Variants in CCDC148 observed in about 807,000 individuals in gnomAD.
The protein encoded by CCDC148 is coiled-coil domain containing 148.
Under a neutral mutation model 85.7 loss-of-function variants are expected in CCDC148, and 89 were observed. That is an observed-to-expected ratio of 1.04 (90% confidence interval 0.87 to 1.24). CCDC148 has a LOEUF of 1.24. Among genes scored for constraint, CCDC148 ranks in the 50% most tolerant of loss-of-function variants. The pLI is 0.00. For missense variants in CCDC148, 692 were observed against 671.7 expected (o/e 1.03, Z -0.33); for synonymous variants, 230 against 213.9 (o/e 1.08, Z -0.66).
intron 9 of CCDC148, among the ~76,000 whole-genome samples, chr2:158,252,347 C>T (rs1266935295): frequency 6.6e-6 from 1 of 151,658 alleles, no homozygotes. Context: ...CTTATCCTGT[C>T]CATCATATTG....
At chr2:158,338,170 A>G (rs567181564) in intron 7 of CCDC148, among the ~76,000 whole-genome samples, 2 of 152,258 alleles carry the variant, frequency 1.3e-5, no homozygotes, top group East Asian at 3.9e-4. Context: ...AGAGAAGATG[A>G]CCGCTGCCAA....
chr2:158,373,176 A>G (rs1289948505), intron 1 of CCDC148, among the ~76,000 whole-genome samples: 1 of 152,028 alleles, frequency 6.6e-6, no homozygotes, highest in East Asian at 1.9e-4. Flanking sequence ...GAAGGTTTGA[A>G]GATGTCATGC....
chr2:158,379,268 A>G (rs879511720), intron 1 of CCDC148, among the ~76,000 whole-genome samples: 2 of 152,112 alleles, frequency 1.3e-5, no homozygotes, highest in African/African-American at 2.4e-5. Context: ...ATAGCAAGGG[A>G]ACTAGGATTA....
Position 158,247,705 on chromosome 2 carries a change from A to G in CCDC148, c.1251+3067T>C, listed in dbSNP as rs377627245. On this transcript the variant is annotated intron_variant, in intron 10 of 13. Transcript: ENST00000283233. ...ATCCCGTCTCTACTAAAAATACAAA[A>G]ATTAGCCAGGTATAGTGGCGGGCAC... is the stretch of plus-strand genomic sequence containing the variant. Among the ~76,000 whole-genome samples, 101 of 152,056 alleles carry G rather than the reference A, an allele frequency of 6.6e-4. 1 individual carries two copies. Among genetic ancestry groups the G allele is most frequent in the African/African-American group, 2.4e-3 (99 of 41,458 alleles).
Position 158,220,669 on chromosome 2 carries a change from C to T in CCDC148, c.1296G>A (p.Met432Ile). ...CTAGACGCTGAAGATCTCTCATTTC[C>T]ATTTCTTGCCACTTCTGTTTTTTCT... ...WAKKKQKWQE[M>I]EMRDLQRLEE... The change falls in exon 11 of 14, where the codon ATG becomes ATA. Residue 432 changes from methionine to isoleucine, a missense_variant. Transcript: ENST00000283233. The T allele has an allele frequency of 1.3e-6, 2 of 1,591,280 alleles. No homozygotes were observed. The highest frequency in any genetic ancestry group is 1.9e-5 in the Admixed American group (1 of 52,772).
At chr2:158,331,379 T>A (rs200546823) in intron 7 of CCDC148, among the ~76,000 whole-genome samples, 1 of 152,208 alleles carries the variant, frequency 6.6e-6, no homozygotes, top group Non-Finnish European at 1.5e-5. Flanking sequence ...AGATAGTTTG[T>A]TATAATTTCT....
At chr2:158,455,433 G>A (rs944352769) in intron 1 of CCDC148, among the ~76,000 whole-genome samples, 1 of 151,784 alleles carries the variant, frequency 6.6e-6, no homozygotes, top group African/African-American at 2.4e-5. Context: ...CATTTCTTAG[G>A]TTACATCTTT....
intron 11 of CCDC148, among the ~76,000 whole-genome samples, chr2:158,186,635 C>T (rs762568240): frequency 4.6e-5 from 7 of 152,084 alleles, no homozygotes; most frequent in Admixed American, 3.9e-4. Flanking sequence ...ACTCTGCCTC[C>T]CTTTTCAGAT....
intron 1 of CCDC148, among the ~76,000 whole-genome samples, chr2:158,384,339 G>T (rs1684998733): frequency 6.6e-6 from 1 of 152,032 alleles, no homozygotes; most frequent in Admixed American, 6.6e-5. Context: ...ATACAGTTTG[G>T]TTCTGTGTCC....
At chr2:158,453,504 C>T (rs1208298216) in intron 1 of CCDC148, among the ~76,000 whole-genome samples, 5 of 152,098 alleles carry the variant, frequency 3.3e-5, no homozygotes, top group African/African-American at 1.2e-4. Context: ...CTTTGCCACC[C>T]ACCTCTGTTT....
At chr2:158,271,947 C>A (rs1402103691) in intron 9 of CCDC148, among the ~76,000 whole-genome samples, 1 of 152,156 alleles carries the variant, frequency 6.6e-6, no homozygotes, top group East Asian at 1.9e-4. Context: ...ACTACTTTAG[C>A]TTAGAAATCT....
intron 11 of CCDC148, among the ~76,000 whole-genome samples, chr2:158,210,035 C>T (rs1466085408): frequency 2.0e-5 from 3 of 152,088 alleles, no homozygotes; most frequent in East Asian, 1.9e-4. Flanking sequence ...TAAAGAGTCA[C>T]GACCCATTGG....
intron 1 of CCDC148, chr2:158,425,201 C>G: frequency 1.9e-6 from 1 of 533,596 alleles, no homozygotes; most frequent in Non-Finnish European, 3.8e-6. Context: ...ACTATAGGAA[C>G]CATGACTATG....
Position 158,416,048 on chromosome 2 carries a change from G to A in CCDC148, c.25+40367C>T, listed in dbSNP as rs117630857. The stretch of plus-strand genomic sequence containing the variant: ...CCAAGCTTCAGCTCTTGTCTTCTGG[G>A]CACCTGCAGGCTTAACACCACATGG... On this transcript the variant is annotated intron_variant, in intron 1 of 13. Transcript: ENST00000283233. Among the ~76,000 whole-genome samples, 467 of 152,306 alleles carry A rather than the reference G, an allele frequency of 3.1e-3. 13 individuals carry two copies. In the East Asian group the frequency reaches 0.067, roughly 22 times the overall value.
intron 1 of CCDC148, among the ~76,000 whole-genome samples, chr2:158,412,865 ATT>A (rs1559128200): frequency 1.8e-5 from 2 of 113,078 alleles, no homozygotes; most frequent in African/African-American, 6.7e-5. Context: ...TATTATTATT[ATT>A]ATACTTTAAG....
intron 1 of CCDC148, among the ~76,000 whole-genome samples, chr2:158,450,902 T>C (rs553782084): frequency 2.0e-5 from 3 of 152,248 alleles, no homozygotes; most frequent in African/African-American, 7.2e-5. Flanking sequence ...TACCCTTCTA[T>C]CCCTCCTTTC....
chr2:158,215,626 C>T (rs541145447), intron 11 of CCDC148, among the ~76,000 whole-genome samples: 6 of 151,930 alleles, frequency 3.9e-5, no homozygotes, highest in Admixed American at 2.0e-4. Context: ...ACATGTGCCA[C>T]GTTGGTGTGC....
At chr2:158,209,596 T>C (rs1243161456) in intron 11 of CCDC148, among the ~76,000 whole-genome samples, 1 of 152,116 alleles carries the variant, frequency 6.6e-6, no homozygotes, top group Non-Finnish European at 1.5e-5. Flanking sequence ...GGGATGCCCA[T>C]CAGACTAACA....
intron 1 of CCDC148, among the ~76,000 whole-genome samples, chr2:158,418,711 A>ATT (rs56980871): frequency 0.076 from 11,293 of 149,572 alleles, 566 homozygotes; most frequent in Middle Eastern, 0.11. Flanking sequence ...AATTATCACT[A>ATT]TTTTTTTTTT....
Sources: gnomAD v4.1 joint callset for allele counts (sites outside exome capture counted in the v4.1 genomes callset) on GRCh38, gnomAD v4.1.1 for gene constraint, MANE v1.5 for transcripts, NCBI Gene and HGNC (gene_info 2026-07-23, HGNC 2026-07-21) for gene names.